Variants in EMILIN2 observed in about 807,000 individuals in gnomAD.
EMILIN2 encodes the protein EMILIN-2.
EMILIN2 carries 71 observed loss-of-function variants against 87.1 expected under a neutral mutation model. The ratio of observed to expected loss-of-function variants is 0.82; its 90% CI spans 0.67 to 0.99. The LOEUF (loss-of-function observed/expected upper bound fraction) is 0.99, where lower values mean the gene tolerates loss of function less well. EMILIN2 is among the 50% of genes least tolerant of loss of function. The pLI, the probability that EMILIN2 is intolerant of heterozygous loss-of-function variation, is 0.00. For synonymous variants in EMILIN2, 581 were observed against 563.4 expected, an observed-to-expected ratio of 1.03 and a Z score of -0.44; for missense variants, 1,407 against 1,371.8, an observed-to-expected ratio of 1.03 and a Z score of -0.40.
At chr18:2,865,117 T>C (rs1416148999) in intron 2 of EMILIN2, among the ~76,000 whole-genome samples, 2 of 152,208 alleles carry the variant, frequency 1.3e-5, no homozygotes, top group Admixed American at 6.5e-5. Context: ...TAGCCATTTG[T>C]CTAATTTTTT....
chr18:2,913,266 C>T lies in EMILIN2; in HGVS notation c.3024C>T (p.Phe1008=). The change falls in exon 8 of 8, where the codon TTC becomes TTT. Residue 1008 remains phenylalanine, a synonymous_variant. Transcript: ENST00000254528. The part of the protein sequence containing the change: ...ALHTCGGPGA[F]HLIVHLKAGD... ...ATACCTGCGGGGGCCCGGGGGCATTCCACCTCATCGTGCACCTGAAGGCGG... is the reference window on the plus strand; with the variant it reads ...ATACCTGCGGGGGCCCGGGGGCATTTCACCTCATCGTGCACCTGAAGGCGG... 1 of 1,613,786 alleles carries T rather than the reference C, an allele frequency of 6.2e-7. No homozygotes were observed. The highest frequency in any genetic ancestry group is 1.1e-5 in the South Asian group (1 of 91,078).
At chr18:2,858,477 G>A (rs1227199356) in intron 2 of EMILIN2, among the ~76,000 whole-genome samples, 4 of 132,608 alleles carry the variant, frequency 3.0e-5, no homozygotes, top group Non-Finnish European at 3.1e-5. Flanking sequence ...AGGTTGCTGC[G>A]AATACCATTA....
At position 2,891,299 on chromosome 18, in the gene EMILIN2, C is replaced by T. The variant is rs2076835110; in HGVS notation, c.1172C>T (p.Ser391Leu). ...CTCCGAGCCCGGCTACAGGAGCCTT[C>T]AGCCCAGGCAAATTGCTGCGACAGT... ...NNLRARLQEPSAQANCCDSEK... is the reference protein window; with the variant it reads ...NNLRARLQEPLAQANCCDSEK... The change falls in exon 4 of 8, where the codon TCA (serine) becomes TTA (leucine). Residue 391 changes from serine to leucine, a missense_variant. By Grantham distance (145) the Ser-to-Leu change is moderately radical. Coordinates refer to ENST00000254528, the MANE Select transcript of EMILIN2 (RefSeq NM_032048.3). This position sits in a 1 kb window ranked among gnomAD's most constrained non-coding sequence, Gnocchi z 4.6. 6.2e-7 allele frequency: 1 copy of T among 1,614,060 alleles called. No homozygotes were observed. The highest frequency in any genetic ancestry group is 1.3e-5 in the African/African-American group (1 of 74,930).
chr18:2,859,815 G>C (rs1167451824), intron 2 of EMILIN2, among the ~76,000 whole-genome samples: 2 of 152,102 alleles, frequency 1.3e-5, no homozygotes, highest in Non-Finnish European at 2.9e-5. Flanking sequence ...AGAACCATTT[G>C]TTAAATAGGG....
At position 2,907,040 on chromosome 18, in the gene EMILIN2, G is replaced by T. The variant is rs917842427; in HGVS notation, c.2617G>T (p.Gly873Trp). 1.6e-6 allele frequency: 2 copies of T among 1,289,406 alleles called. No homozygotes were observed. Among genetic ancestry groups the T allele is most frequent in the Non-Finnish European group, 2.0e-6 (2 of 1,023,164 alleles). 79.9% of individuals were successfully genotyped at this position (1,289,406 alleles called of 1,614,324 possible). The change falls in exon 5 of 8, where the codon GGG becomes TGG. Residue 873 changes from glycine (G) to tryptophan (W), a missense_variant. Transcript: ENST00000254528. ...GLPRGVDGQT[G>W]SGTVPGAEGF... The stretch of plus-strand genomic sequence containing the variant: ...GCCGCGGGGCGTGGACGGCCAGACC[G>T]GGAGCGGCACCGTCCCCGGCGCAGA...
intron 2 of EMILIN2, among the ~76,000 whole-genome samples, chr18:2,879,607 G>A (rs1711966952): frequency 6.6e-6 from 1 of 151,962 alleles, no homozygotes; most frequent in Admixed American, 6.5e-5. Context: ...GTTGCAGTGA[G>A]CCAAGATCGC....
At chr18:2,884,852 TG>T in intron 2 of EMILIN2, 111 bp from the exon 3 acceptor site, 1 of 1,187,584 alleles carries the variant, frequency 8.4e-7, no homozygotes, top group Non-Finnish European at 1.2e-6. Context: ...TGGGCCAGCC[TG>T]GAGAGCAGGC....
rs754203143 is a variant in EMILIN2, at chr18:2,892,344, CTG to C, written c.2221_2222del (p.Val741GlnfsTer34). The C allele has an allele frequency of 2.0e-5, 33 of 1,614,092 alleles. No individual in the cohort carries two copies. The highest frequency in any genetic ancestry group is 2.7e-5 in the Non-Finnish European group (32 of 1,180,042). ...LNKHVSSLWN[C>X]VRQMNGTLRS... The stretch of plus-strand genomic sequence containing the variant: ...ACAAGCATGTCAGCAGCCTGTGGAA[CTG>C]TGTCAGGCAGATGAACGGAACGCTC... On this transcript the variant is annotated frameshift_variant, in exon 4 of 8. Coordinates refer to ENST00000254528, the MANE Select transcript of EMILIN2 (RefSeq NM_032048.3). LOFTEE classifies it high-confidence loss of function.
Position 2,848,020 on chromosome 18 carries a change from T to C in EMILIN2, c.257+89T>C. 1 of 1,382,828 alleles carries C rather than the reference T, an allele frequency of 7.2e-7. No homozygotes were observed. Among genetic ancestry groups the C allele is most frequent in the Non-Finnish European group, 9.6e-7 (1 of 1,046,532 alleles). 85.7% of individuals were successfully genotyped at this position (1,382,828 alleles called of 1,614,324 possible). A position where few individuals can be genotyped will look rare whatever the true frequency, so the allele number is the denominator to read the frequency against. ...GGTTGCTGCGCTGGGCTCCAGTCCC[T>C]CCGGTAAATCCCTTCCAGATCCGGT... On this transcript the variant is annotated intron_variant, in intron 2 of 7. Coordinates refer to ENST00000254528, the MANE Select transcript of EMILIN2 (RefSeq NM_032048.3). This position sits in a 1 kb window ranked among gnomAD's most constrained non-coding sequence, Gnocchi z 4.1.
rs1006344691 is a variant in EMILIN2 at position 2,892,934 on chromosome 18, C to A, written c.2359+448C>A. Among the ~76,000 whole-genome samples, 4 of 151,146 alleles carry A rather than the reference C, an allele frequency of 2.6e-5. No individual in the cohort carries two copies. The East Asian group carries it at 7.8e-4, about 29-fold the overall frequency. On this transcript the variant is annotated intron_variant, in intron 4 of 7. Coordinates refer to ENST00000254528, the MANE Select transcript of EMILIN2 (RefSeq NM_032048.3). ...GGGTGTGGTGGCACGCGCCTGTAGT[C>A]CCAGCTAGTCGGGAGGCTGAGGTGG...
intron 2 of EMILIN2, among the ~76,000 whole-genome samples, chr18:2,863,414 G>A (rs1429913587): frequency 1.3e-5 from 2 of 152,032 alleles, no homozygotes. Flanking sequence ...ATTGTGGTAC[G>A]TTGTGTCTTT....
rs779055711 is a variant in EMILIN2, at chr18:2,891,554, G to T, written c.1427G>T (p.Arg476Leu). ...TGCTTTTACATTGAGGAAACCCTTC[G>T]GGGCGCCATTAATGGAGAGGTGGGT... ...EHCFYIEETL[R>L]GAINGEVGDL... The change falls in exon 4 of 8, where the codon CGG becomes CTG. Residue 476 changes from arginine to leucine, a missense_variant. By Grantham distance (102) the Arg-to-Leu change is moderately radical. Transcript: ENST00000254528. The surrounding 1 kb of genome is among the most constrained non-coding windows in gnomAD (Gnocchi z 4.6). 8 of 1,613,894 alleles carry T rather than the reference G, an allele frequency of 5.0e-6. No homozygotes were observed. The highest frequency in any genetic ancestry group is 6.8e-6 in the Non-Finnish European group (8 of 1,180,024).
rs56288451 is a variant in EMILIN2 at position 2,909,702 on chromosome 18, C to T, written c.2707C>T (p.Pro903Ser). Residue 903 changes from proline to serine, a missense_variant, in exon 7 of 8, where the codon CCT becomes TCT. By Grantham distance (74) the Pro-to-Ser change is moderately conservative. Coordinates refer to ENST00000254528, the MANE Select transcript of EMILIN2 (RefSeq NM_032048.3). ...PPVASPGAPVPSLVSFSAGLT... is the reference protein window; with the variant it reads ...PPVASPGAPVSSLVSFSAGLT... Reference sequence around the variant, plus strand: ...TTTCTCTGCTCCAGGAGCTCCGGTGCCTTCTCTGGTGTCTTTTTCTGCGGG... The same window carrying T: ...TTTCTCTGCTCCAGGAGCTCCGGTGTCTTCTCTGGTGTCTTTTTCTGCGGG... 97,680 of 1,613,804 alleles carry T rather than the reference C, an allele frequency of 0.061. 3,795 individuals carry two copies. Among genetic ancestry groups the T allele is most frequent in the African/African-American group, 0.14 (10,446 of 75,012 alleles).
chr18:2,848,038 G>T lies in EMILIN2; in HGVS notation c.257+107G>T, dbSNP rs956766659. The T allele has an allele frequency of 4.5e-6, 6 of 1,340,586 alleles. No individual in the cohort carries two copies. In the African/African-American group the frequency reaches 9.0e-5, roughly 20 times the overall value. The allele number at this position is 1,340,586 out of a possible 1,614,324, so 83.0% of individuals were successfully genotyped here. On this transcript the variant is annotated intron_variant, in intron 2 of 7. Transcript: ENST00000254528. This position sits in a 1 kb window ranked among gnomAD's most constrained non-coding sequence, Gnocchi z 4.1. ...CAGTCCCTCCGGTAAATCCCTTCCA[G>T]ATCCGGTGAAAAGCCCGCAGCGGAA...
chr18:2,884,514 G>A (rs2076793626), intron 2 of EMILIN2, among the ~76,000 whole-genome samples: 1 of 152,216 alleles, frequency 6.6e-6, no homozygotes, highest in South Asian at 2.1e-4. Context: ...CCAAAGTGCT[G>A]GGATTACAGG....
chr18:2,855,093 T>C (rs893271800), intron 2 of EMILIN2, among the ~76,000 whole-genome samples: 2 of 152,190 alleles, frequency 1.3e-5, no homozygotes, highest in African/African-American at 4.8e-5. Flanking sequence ...AGGGCTGGAA[T>C]CCCAGGCGCC....
intron 2 of EMILIN2, among the ~76,000 whole-genome samples, chr18:2,858,551 A>ATGTGTGTGTGTG (rs1568453987): frequency 2.1e-5 from 1 of 48,458 alleles, no homozygotes; most frequent in African/African-American, 1.4e-4. Flanking sequence ...ATATATATAT[A>ATGTGTGTGTGTG]TATATATATA....
At chr18:2,909,282 T>A (rs1019686889) in intron 6 of EMILIN2, among the ~76,000 whole-genome samples, 1 of 152,246 alleles carries the variant, frequency 6.6e-6, no homozygotes, top group Non-Finnish European at 1.5e-5. Flanking sequence ...GTGGTCCTGA[T>A]GAGCTTCCTG....
chr18:2,859,467 T>C (rs948021636), intron 2 of EMILIN2, among the ~76,000 whole-genome samples: 18 of 152,224 alleles, frequency 1.2e-4, no homozygotes, highest in African/African-American at 4.3e-4. Context: ...TTCTGGATAT[T>C]AGTCCTTTGT....
Sources: allele counts gnomAD v4.1 joint callset (sites outside exome capture counted in the v4.1 genomes callset), GRCh38; gene constraint gnomAD v4.1.1; non-coding constraint Gnocchi (gnomAD v3.1); transcripts MANE v1.5; gene names NCBI Gene and HGNC (gene_info 2026-07-23, HGNC 2026-07-21).